The following PACS1 variants were observed in gnomAD, a reference collection of about 807,000 sequenced individuals.
The protein encoded by PACS1 is PACS-1.
A neutral mutation model predicts 115.0 loss-of-function variants in PACS1; 24 were observed. The ratio of observed to expected loss-of-function variants is 0.21; its 90% CI spans 0.15 to 0.29. The LOEUF (loss-of-function observed/expected upper bound fraction) is 0.29, where lower values mean the gene tolerates loss of function less well. PACS1 is among the 10% of genes least tolerant of loss of function. The pLI is 1.00. For missense variants in PACS1, 838 were observed against 1,251.2 expected, an observed-to-expected ratio of 0.67 and a Z score of 4.98; for synonymous variants, 453 against 504.5, an observed-to-expected ratio of 0.90 and a Z score of 1.37.
At chr11:66,200,343 G>C (rs761916423) in intron 2 of PACS1, among the ~76,000 whole-genome samples, 1 of 152,022 alleles carries the variant, frequency 6.6e-6, no homozygotes, top group Non-Finnish European at 1.5e-5. Flanking sequence ...AGAGTGAGAC[G>C]CTGTCTCAGA....
chr11:66,230,422 C>G, intron 11 of PACS1, 126 bp from the exon 12 acceptor site: 1 of 692,658 alleles, frequency 1.4e-6, no homozygotes, highest in South Asian at 1.8e-5. Context: ...GGACCACTTG[C>G]TTTCAGGAAA....
chr11:66,214,062 G>A (rs1054398971), intron 4 of PACS1, among the ~76,000 whole-genome samples: 7 of 146,888 alleles, frequency 4.8e-5, no homozygotes, highest in African/African-American at 9.9e-5. Flanking sequence ...AAAAAAGGCT[G>A]TGATTATTCT....
chr11:66,116,118 G>A (rs532283977), intron 1 of PACS1, among the ~76,000 whole-genome samples: 2 of 152,292 alleles, frequency 1.3e-5, no homozygotes, highest in South Asian at 2.1e-4. Context: ...AGTCTGGTTG[G>A]GTCCAGTGAA....
rs1386049447 is a variant in PACS1 at position 66,216,253 on chromosome 11, C to G, written c.795C>G (p.Ser265=). Reference sequence around the variant, plus strand: ...CCATTGACCATGAAGGAATCAAATCCAAGCTTTCTGGTAAGAAGCATGCAG... The same window carrying G: ...CCATTGACCATGAAGGAATCAAATCGAAGCTTTCTGGTAAGAAGCATGCAG... ...SQPIDHEGIK[S]KLSDRSPDID... The change falls in exon 5 of 24, where the codon TCC becomes TCG. Residue 265 remains serine (S), a synonymous_variant. Transcript: ENST00000320580. 6.2e-7 allele frequency: 1 copy of G among 1,614,064 alleles called. No homozygotes were observed. The highest frequency in any genetic ancestry group is 8.5e-7 in the Non-Finnish European group (1 of 1,180,000).
At chr11:66,133,474 A>G (rs1858750284) in intron 1 of PACS1, among the ~76,000 whole-genome samples, 1 of 152,164 alleles carries the variant, frequency 6.6e-6, no homozygotes, top group Admixed American at 6.5e-5. Flanking sequence ...AACAGCTGAT[A>G]ATGTCCGTGG....
chr11:66,104,954 A>G (rs1858002020), intron 1 of PACS1, among the ~76,000 whole-genome samples: 3 of 152,188 alleles, frequency 2.0e-5, no homozygotes, highest in Admixed American at 2.0e-4. Flanking sequence ...AAGTAAGCAA[A>G]TATTTTAGTC....
intron 1 of PACS1, among the ~76,000 whole-genome samples, chr11:66,137,031 C>T (rs746072792): frequency 6.7e-6 from 1 of 149,650 alleles, no homozygotes; most frequent in South Asian, 2.2e-4. Context: ...TGCCCCCCCC[C>T]CCACCATTTC....
chr11:66,206,002 G>A (rs1854925665), intron 2 of PACS1, among the ~76,000 whole-genome samples: 1 of 152,114 alleles, frequency 6.6e-6, no homozygotes, highest in Admixed American at 6.6e-5. Flanking sequence ...ACAAAAATTA[G>A]CCCGGCATTT....
Position 66,233,695 on chromosome 11 carries a change from G to A in PACS1, c.1839-90G>A, listed in dbSNP as rs545361086. 67 of 1,302,836 alleles carry A rather than the reference G, an allele frequency of 5.1e-5. No individual in the cohort carries two copies. In the Admixed American group the frequency reaches 1.5e-3, roughly 29 times the overall value. 80.7% of individuals were successfully genotyped at this position (1,302,836 alleles called of 1,614,324 possible). ...TTGGTTTGCTTTTCCCCTGTGGGTT[G>A]TTGAGATCACAGAAAGTCAGCTCTG... On this transcript the variant is annotated intron_variant, in intron 15 of 23. Transcript: ENST00000320580. This position sits in a 1 kb window ranked among gnomAD's most constrained non-coding sequence, Gnocchi z 4.5.
chr11:66,125,486 G>A (rs1858550421), intron 1 of PACS1, among the ~76,000 whole-genome samples: 1 of 152,190 alleles, frequency 6.6e-6, no homozygotes, highest in African/African-American at 2.4e-5. Flanking sequence ...GATCTTAGAA[G>A]CAATTTTATT....
At chr11:66,085,733 C>T (rs567899489) in intron 1 of PACS1, among the ~76,000 whole-genome samples, 1 of 152,196 alleles carries the variant, frequency 6.6e-6, no homozygotes, top group South Asian at 2.1e-4. Context: ...AAATAAAATT[C>T]CCAGATAAAA....
Position 66,204,198 on chromosome 11 carries a change from ATATC to A in PACS1, c.445-6161_445-6158del, listed in dbSNP as rs1452912288. Among the ~76,000 whole-genome samples the A allele has an allele frequency of 3.3e-5, 5 of 152,332 alleles. No homozygotes were observed. In the South Asian group the frequency reaches 8.3e-4, roughly 25 times the overall value. ...TAAGGAGCTCAAACAACTCAGGAAA[ATATC>A]TAATAATCCGATTAAGAAATGGGCA... is the stretch of plus-strand genomic sequence containing the variant. On this transcript the variant is annotated intron_variant, in intron 2 of 23. Coordinates refer to ENST00000320580, the MANE Select transcript of PACS1 (RefSeq NM_018026.4).
chr11:66,229,802 C>T (rs1045049087), intron 11 of PACS1, among the ~76,000 whole-genome samples: 1 of 152,064 alleles, frequency 6.6e-6, no homozygotes, highest in African/African-American at 2.4e-5. Flanking sequence ...CAAAATTAGC[C>T]AGGCATGATG....
At chr11:66,210,962 A>T (rs1487190194) in intron 3 of PACS1, among the ~76,000 whole-genome samples, 172 bp from the exon 4 acceptor site, 4 of 152,224 alleles carry the variant, frequency 2.6e-5, no homozygotes, top group African/African-American at 9.6e-5. Flanking sequence ...GAAGCCAGGC[A>T]TCAAGCCGAA....
At position 66,244,269 on chromosome 11, in the gene PACS1, A is replaced by G. The variant is rs1250626048; in HGVS notation, c.*989A>G. 6.6e-6 allele frequency: 1 copy of G among 152,210 alleles called. No homozygotes were observed. The highest frequency in any genetic ancestry group is 2.4e-5 in the African/African-American group (1 of 41,330). The allele number at this position is 152,210 out of a possible 1,614,324, so 9.4% of individuals were successfully genotyped here. On this transcript the variant is annotated 3_prime_UTR_variant, in exon 24 of 24. Coordinates refer to ENST00000320580, the MANE Select transcript of PACS1 (RefSeq NM_018026.4). ...TTCATCTCCCTCCTCCCACCGTGTCAGTTTTTCTGCCTTTCCCTGCTCTGT... is the reference window on the plus strand; with the variant it reads ...TTCATCTCCCTCCTCCCACCGTGTCGGTTTTTCTGCCTTTCCCTGCTCTGT...
intron 1 of PACS1, among the ~76,000 whole-genome samples, chr11:66,180,392 G>T (rs1438659613): frequency 2.0e-5 from 3 of 149,316 alleles, no homozygotes; most frequent in Admixed American, 1.3e-4. Flanking sequence ...GTCTCACTCT[G>T]TTGCCAGGCT....
intron 1 of PACS1, among the ~76,000 whole-genome samples, chr11:66,129,932 G>C (rs772779335): frequency 3.3e-5 from 5 of 152,054 alleles, no homozygotes; most frequent in Non-Finnish European, 5.9e-5. Flanking sequence ...ACATTCAATT[G>C]GCTACATTAT....
At chr11:66,110,017 C>A (rs1858150033) in intron 1 of PACS1, among the ~76,000 whole-genome samples, 1 of 152,198 alleles carries the variant, frequency 6.6e-6, no homozygotes, top group African/African-American at 2.4e-5. Context: ...GCCAGTATTT[C>A]TTTTTCCCCT....
At chr11:66,188,570 A>G (rs1483959055) in intron 1 of PACS1, among the ~76,000 whole-genome samples, 1 of 152,076 alleles carries the variant, frequency 6.6e-6, no homozygotes. Flanking sequence ...CTGTAGAAAA[A>G]CCAATTAAAG....
Sources: allele counts gnomAD v4.1 joint callset (sites outside exome capture counted in the v4.1 genomes callset), GRCh38; gene constraint gnomAD v4.1.1; non-coding constraint Gnocchi (gnomAD v3.1); transcripts MANE v1.5; gene names NCBI Gene and HGNC (gene_info 2026-07-23, HGNC 2026-07-21).